Variants in BRD3 observed in about 807,000 individuals in gnomAD.
BRD3 encodes the protein bromodomain-containing protein 3.
BRD3 carries 17 observed loss-of-function variants against 66.8 expected under a neutral mutation model. That is an observed-to-expected ratio of 0.25 (90% CI 0.17 to 0.38). The LOEUF is 0.38. Ranked by LOEUF, BRD3 falls within the 10% of genes least tolerant of loss-of-function variation. The pLI is 1.00. For synonymous variants in BRD3, 421 were observed against 393.2 expected, an observed-to-expected ratio of 1.07 and a Z score of -0.84; for missense variants, 713 against 956.1, an observed-to-expected ratio of 0.75 and a Z score of 3.35.
At position 134,045,143 on chromosome 9, in the gene BRD3, G is replaced by T; in HGVS notation, c.1215+150C>A. On this transcript the variant is annotated intron_variant, in intron 7 of 11. Transcript: ENST00000303407. The surrounding 1 kb of genome is among the most constrained non-coding windows in gnomAD (Gnocchi z 4.8). ...CCAGCTCAGAGCCTGACAGGGACCT[G>T]GTTGGCACTCGGGAAAAAGGTGTTG... 8.4e-7 allele frequency: 1 copy of T among 1,187,330 alleles called. No individual in the cohort carries two copies. The highest frequency in any genetic ancestry group is 1.2e-6 in the Non-Finnish European group (1 of 869,278). 73.5% of individuals were successfully genotyped at this position (1,187,330 alleles called of 1,614,324 possible).
intron 1 of BRD3, among the ~76,000 whole-genome samples, chr9:134,060,902 C>T (rs893492192): frequency 6.6e-6 from 1 of 152,216 alleles, no homozygotes. Context: ...CTCCATAGGG[C>T]ACAGGAGGAC....
chr9:134,061,994 G>A (rs1336362134), intron 1 of BRD3, among the ~76,000 whole-genome samples: 2 of 152,200 alleles, frequency 1.3e-5, no homozygotes, highest in Non-Finnish European at 2.9e-5. Context: ...GGTGACCAGC[G>A]GCCACCCTCC....
chr9:134,043,586 C>A (rs560521231), intron 7 of BRD3, among the ~76,000 whole-genome samples: 2 of 152,238 alleles, frequency 1.3e-5, no homozygotes, highest in Non-Finnish European at 2.9e-5. Context: ...GCGGTCCAGG[C>A]CCCCGCTCGG....
intron 5 of BRD3, among the ~76,000 whole-genome samples, chr9:134,050,086 ACTTCCCCAC>A (rs1159786217): frequency 2.0e-5 from 3 of 152,186 alleles, no homozygotes; most frequent in Non-Finnish European, 4.4e-5. Context: ...CTCTCCCACA[ACTTCCCCAC>A]CTTGACCAAG....
intron 1 of BRD3, among the ~76,000 whole-genome samples, chr9:134,062,757 T>C (rs988148606): frequency 6.6e-6 from 1 of 152,088 alleles, no homozygotes; most frequent in Non-Finnish European, 1.5e-5. Context: ...GGTCAGGCCC[T>C]CCCAACCCCA....
rs557901446 is a variant in BRD3, at chr9:134,033,000, AC to A, written c.*589del. On this transcript the variant is annotated 3_prime_UTR_variant, in exon 12 of 12. Coordinates refer to ENST00000303407, the MANE Select transcript of BRD3 (RefSeq NM_007371.4). Reference sequence around the variant, plus strand: ...CGGAGAACGCACATCCCACCCGACCACCCCCCAAGGGCTCCACGCTCCGGGC... The same window carrying A: ...CGGAGAACGCACATCCCACCCGACCACCCCCAAGGGCTCCACGCTCCGGGC... The A allele has an allele frequency of 2.0e-3, 774 of 394,938 alleles. 1 individual carries two copies. Among genetic ancestry groups the A allele is most frequent in the Non-Finnish European group, 3.0e-3 (669 of 225,200 alleles). The allele number at this position is 394,938 out of a possible 1,614,324, so 24.5% of individuals were successfully genotyped here. A position where few individuals can be genotyped will look rare whatever the true frequency, so the allele number is the denominator to read the frequency against.
intron 8 of BRD3, 152 bp downstream of exon 8, chr9:134,041,608 G>T: frequency 1.9e-6 from 2 of 1,046,228 alleles, no homozygotes; most frequent in Non-Finnish European, 2.7e-6. Context: ...GACCTGGGGA[G>T]GGCACTCCGA....
intron 6 of BRD3, among the ~76,000 whole-genome samples, chr9:134,047,583 T>G (rs1053243540): frequency 6.6e-6 from 1 of 152,172 alleles, no homozygotes; most frequent in Non-Finnish European, 1.5e-5. Context: ...GCTCTCGGTC[T>G]CAGCTCTGCC....
intron 2 of BRD3, among the ~76,000 whole-genome samples, chr9:134,052,987 C>T (rs992008617): frequency 7.2e-5 from 11 of 152,216 alleles, no homozygotes; most frequent in Non-Finnish European, 1.5e-4. Flanking sequence ...CCCCAGTGAG[C>T]CTCGACTCCT....
intron 2 of BRD3, 66 bp from the exon 3 acceptor site, chr9:134,052,509 T>A (rs748301045): frequency 9.7e-6 from 15 of 1,541,406 alleles, no homozygotes; most frequent in African/African-American, 1.4e-5. Context: ...AATTCCCAAG[T>A]GGACACAGCC....
intron 1 of BRD3, among the ~76,000 whole-genome samples, chr9:134,060,587 G>GACACACACACACACACACACAC (rs10661799): frequency 1.6e-4 from 23 of 143,876 alleles, no homozygotes; most frequent in African/African-American, 6.0e-4. Context: ...GCAAGACCCT[G>GACACACACACACACACACACAC]ACACACACAC....
At chr9:134,036,417 G>C in intron 9 of BRD3, 93 bp from the exon 10 acceptor site, 1 of 1,573,316 alleles carries the variant, frequency 6.4e-7, no homozygotes, top group Non-Finnish European at 8.6e-7. Context: ...ACAGCAGGCT[G>C]CTCTCTGGGA....
chr9:134,032,461 C>T lies in BRD3; in HGVS notation c.*1129G>A. 1 of 187,910 alleles carries T rather than the reference C, an allele frequency of 5.3e-6. No homozygotes were observed. The highest frequency in any genetic ancestry group is 1.0e-5 in the Non-Finnish European group (1 of 95,326). 11.6% of individuals were successfully genotyped at this position (187,910 alleles called of 1,614,324 possible). ...ATACAAAAAAAAAAAAAAAAAAAAA[C>T]CACAAAGAAAAAAACCAAAAAACCC... On this transcript the variant is annotated 3_prime_UTR_variant, in exon 12 of 12. Coordinates refer to ENST00000303407, the MANE Select transcript of BRD3 (RefSeq NM_007371.4).
chr9:134,033,828 C>T lies in BRD3; in HGVS notation c.2066-123G>A. ...GCCACGACCCACCCACTTCCTGACC[C>T]AGTCGTTTAATAAGTATTTATTGAA... On this transcript the variant is annotated intron_variant, in intron 11 of 11. Coordinates refer to ENST00000303407, the MANE Select transcript of BRD3 (RefSeq NM_007371.4). The surrounding 1 kb of genome is among the most constrained non-coding windows in gnomAD (Gnocchi z 5.1). 1.7e-6 allele frequency: 1 copy of T among 592,330 alleles called. No individual in the cohort carries two copies. The highest frequency in any genetic ancestry group is 3.0e-6 in the Non-Finnish European group (1 of 330,386). The allele number at this position is 592,330 out of a possible 1,614,324, so 36.7% of individuals were successfully genotyped here.
At position 134,048,169 on chromosome 9, in the gene BRD3, A is replaced by C; in HGVS notation, c.1000T>G (p.Phe334Val). The C allele has an allele frequency of 6.2e-7, 1 of 1,611,948 alleles. No homozygotes were observed. The highest frequency in any genetic ancestry group is 8.5e-7 in the Non-Finnish European group (1 of 1,179,528). ...SKKHAAYAWPFYKPVDAEALE... is the reference protein window; with the variant it reads ...SKKHAAYAWPVYKPVDAEALE... ...GCCTCGGCATCCACTGGCTTGTAGA[A>C]GGGCCAGGCGTAGGCCGCGTGCTTC... Residue 334 changes from phenylalanine (F) to valine (V), a missense_variant, in exon 6 of 12, where the codon TTC (phenylalanine) becomes GTC (valine). Coordinates refer to ENST00000303407, the MANE Select transcript of BRD3 (RefSeq NM_007371.4).
chr9:134,051,877 GTTGTTTTTTT>G lies in BRD3; in HGVS notation c.352-178_352-169del, dbSNP rs869139397. Reference sequence around the variant, plus strand: ...TGTGTGTGTGTGTGTGTGTGTGTGTGTTGTTTTTTTTGTTTTTTTTTTTTTTTTTTTGAGA... The same window carrying G: ...TGTGTGTGTGTGTGTGTGTGTGTGTGTGTTTTTTTTTTTTTTTTTTTGAGA... On this transcript the variant is annotated intron_variant, in intron 3 of 11. Transcript: ENST00000303407. Among the ~76,000 whole-genome samples the G allele has an allele frequency of 1.0e-3, 96 of 92,746 alleles. 3 individuals are homozygous for G. Among genetic ancestry groups the G allele is most frequent in the Non-Finnish European group, 1.5e-3 (73 of 49,706 alleles). 60.8% of individuals were successfully genotyped at this position (92,746 alleles called of 152,430 possible). A position where few individuals can be genotyped will look rare whatever the true frequency, so the allele number is the denominator to read the frequency against.
chr9:134,041,730 T>G lies in BRD3; in HGVS notation c.1407+30A>C, dbSNP rs538770095. The G allele has an allele frequency of 8.7e-6, 14 of 1,602,110 alleles. No individual in the cohort carries two copies. The South Asian group carries it at 1.4e-4, about 17-fold the overall frequency. On this transcript the variant is annotated intron_variant, in intron 8 of 11. Coordinates refer to ENST00000303407, the MANE Select transcript of BRD3 (RefSeq NM_007371.4). Reference sequence around the variant, plus strand: ...GTGCCAGCAATCCCGCCTCAGCCCCTGAACCCCACCCAAGCATGCCAGTGC... The same window carrying G: ...GTGCCAGCAATCCCGCCTCAGCCCCGGAACCCCACCCAAGCATGCCAGTGC...
At chr9:134,068,048 G>C (rs931075676), upstream of BRD3, 3 of 145,082 alleles carry the variant, frequency 2.1e-5, no homozygotes, top group Non-Finnish European at 4.6e-5. Context: ...AGCCGAGCAG[G>C]GCTCATGCGC....
At chr9:134,050,245 CAG>C (rs1830260436) in intron 5 of BRD3, 127 bp downstream of exon 5, 2 of 813,254 alleles carry the variant, frequency 2.5e-6, no homozygotes, top group East Asian at 5.4e-5. Context: ...TCCCAGGGCG[CAG>C]AGAGAAACAC....
Sources: gnomAD v4.1 joint callset for allele counts (sites outside exome capture counted in the v4.1 genomes callset) on GRCh38, gnomAD v4.1.1 for gene constraint, Gnocchi (gnomAD v3.1) non-coding constraint, MANE v1.5 for transcripts, NCBI Gene and HGNC (gene_info 2026-07-23, HGNC 2026-07-21) for gene names.